LSS: variants seen among roughly 807,000 people sequenced by gnomAD.
LSS encodes the protein 2,3-epoxysqualene-lanosterol cyclase.
A neutral mutation model predicts 110.3 loss-of-function variants in LSS; 90 were observed. The ratio of observed to expected loss-of-function variants is 0.82; its 90% CI spans 0.69 to 0.97. The LOEUF (loss-of-function observed/expected upper bound fraction) is 0.97, where lower values mean the gene tolerates loss of function less well. Ranked by LOEUF, LSS falls within the 50% of genes least tolerant of loss-of-function variation. The pLI, the probability that LSS is intolerant of heterozygous loss-of-function variation, is 0.00. For synonymous variants in LSS, 433 were observed against 400.0 expected (o/e 1.08, Z -0.98); for missense variants, 927 against 990.0 (o/e 0.94, Z 0.85).
chr21:46,195,631 T>C (rs369926038), intron 19 of LSS, 45 bp downstream of exon 19: 131 of 1,488,918 alleles, frequency 8.8e-5, no homozygotes, highest in Non-Finnish European at 1.0e-4. Flanking sequence ...TGACAGAGCA[T>C]TGGGTTGAGA....
rs913274316 is a variant in LSS, at chr21:46,216,869, A to G, written c.648-345T>C. On this transcript the variant is annotated intron_variant, in intron 6 of 21. Transcript: ENST00000397728. This position sits in a 1 kb window ranked among gnomAD's most constrained non-coding sequence, Gnocchi z 4.2. ...AATGGGGATATGGTGTGAGGGCCCC[A>G]GGGAACACTCTTGGCTATCTTTGCA... Among the ~76,000 whole-genome samples, 1 of 152,194 alleles carries G rather than the reference A, an allele frequency of 6.6e-6. No individual in the cohort carries two copies. Among genetic ancestry groups the G allele is most frequent in the African/African-American group, 2.4e-5 (1 of 41,446 alleles).
At chr21:46,195,540 T>A in intron 19 of LSS, 136 bp downstream of exon 19, 1 of 833,064 alleles carries the variant, frequency 1.2e-6, no homozygotes, top group South Asian at 1.5e-5. Context: ...TCAGCCCGGT[T>A]GACAGAGCGA....
At chr21:46,226,208 C>T (rs1337282189) in intron 3 of LSS, among the ~76,000 whole-genome samples, 2 of 152,016 alleles carry the variant, frequency 1.3e-5, no homozygotes, top group Non-Finnish European at 2.9e-5. Context: ...CCAGCTAAGC[C>T]CAGAGCCAAA....
chr21:46,189,862 G>A lies in LSS; in HGVS notation c.*1242C>T, dbSNP rs955871387. ...GGGAGAGCAGTGACAGTCTCAGGTG[G>A]CCCTGAGCATGTGAGCTGCTCATCC... On this transcript the variant is annotated 3_prime_UTR_variant, in exon 22 of 22. Transcript: ENST00000397728. 7.7e-6 allele frequency: 3 copies of A among 388,726 alleles called. 1 individual carries two copies. The highest frequency in any genetic ancestry group is 6.4e-5 in the African/African-American group (3 of 46,674). The allele number at this position is 388,726 out of a possible 1,614,324, so 24.1% of individuals were successfully genotyped here. A position where few individuals can be genotyped will look rare whatever the true frequency, so the allele number is the denominator to read the frequency against.
chr21:46,197,160 A>T (rs1346224821), intron 17 of LSS, among the ~76,000 whole-genome samples: 1 of 152,270 alleles, frequency 6.6e-6, no homozygotes, highest in Non-Finnish European at 1.5e-5. Context: ...GGCAACAGGT[A>T]ACAAATACAA....
rs550113578 is a variant in LSS at position 46,204,971 on chromosome 21, G to A, written c.1670+865C>T. Among the ~76,000 whole-genome samples the A allele has an allele frequency of 1.7e-3, 262 of 152,056 alleles. 1 individual carries two copies. The highest frequency in any genetic ancestry group is 5.9e-3 in the African/African-American group (243 of 41,456). ...AAAAAGGACAGTGCATTGTGACCAA[G>A]GTGAGTCTACACCAGGTTGAACAAA... On this transcript the variant is annotated intron_variant, in intron 17 of 21. Coordinates refer to ENST00000397728, the MANE Select transcript of LSS (RefSeq NM_002340.6).
At position 46,190,692 on chromosome 21, in the gene LSS, C is replaced by T. The variant is rs932132336; in HGVS notation, c.*412G>A. The T allele has an allele frequency of 4.1e-5, 8 of 193,150 alleles. No individual in the cohort carries two copies. Among genetic ancestry groups the T allele is most frequent in the Non-Finnish European group, 6.4e-5 (6 of 94,316 alleles). The allele number at this position is 193,150 out of a possible 1,614,324, so 12.0% of individuals were successfully genotyped here. ...GGTGCAGGAGAAGCCTGCCCAGGGC[C>T]GACCCCAGCCCAGAGCCCACTCGAC... On this transcript the variant is annotated 3_prime_UTR_variant, in exon 22 of 22. Transcript: ENST00000397728. This position sits in a 1 kb window ranked among gnomAD's most constrained non-coding sequence, Gnocchi z 4.6.
chr21:46,206,874 T>C, intron 15 of LSS, 106 bp from the exon 16 acceptor site: 1 of 825,700 alleles, frequency 1.2e-6, no homozygotes, highest in South Asian at 1.4e-5. Flanking sequence ...TGACAACCGA[T>C]GGGGCAGGAA....
intron 20 of LSS, 187 bp from the exon 21 acceptor site, chr21:46,192,146 A>C: frequency 1.6e-6 from 1 of 623,982 alleles, no homozygotes; most frequent in Non-Finnish European, 2.9e-6. Context: ...CCTTCTTCCT[A>C]GGCTCCCTGA....
chr21:46,198,306 A>G (rs1380573795), intron 17 of LSS, among the ~76,000 whole-genome samples: 1 of 152,126 alleles, frequency 6.6e-6, no homozygotes, highest in Non-Finnish European at 1.5e-5. Flanking sequence ...TCCTACCAGC[A>G]ATGAACAATT....
chr21:46,228,313 C>T (rs578154773), intron 2 of LSS, 121 bp downstream of exon 2: 1 of 1,195,620 alleles, frequency 8.4e-7, no homozygotes, highest in Non-Finnish European at 1.1e-6. Context: ...CGTGGGCGCT[C>T]GCCTTGGGGA....
At position 46,209,417 on chromosome 21, in the gene LSS, G is replaced by A; in HGVS notation, c.1266+137C>T. ...ATGGAGCAGGGGCTAGGGAGGGGATGGGAGGGTGGGGGTGACCTGAAACAC... is the reference window on the plus strand; with the variant it reads ...ATGGAGCAGGGGCTAGGGAGGGGATAGGAGGGTGGGGGTGACCTGAAACAC... On this transcript the variant is annotated intron_variant, in intron 13 of 21. Coordinates refer to ENST00000397728, the MANE Select transcript of LSS (RefSeq NM_002340.6). This position sits in a 1 kb window ranked among gnomAD's most constrained non-coding sequence, Gnocchi z 4.4. 1 of 751,778 alleles carries A rather than the reference G, an allele frequency of 1.3e-6. No homozygotes were observed. Among genetic ancestry groups the A allele is most frequent in the South Asian group, 1.9e-5 (1 of 53,264 alleles). 46.6% of individuals were successfully genotyped at this position (751,778 alleles called of 1,614,324 possible). A position where few individuals can be genotyped will look rare whatever the true frequency, so the allele number is the denominator to read the frequency against.
chr21:46,220,971 G>A (rs1292130422), intron 5 of LSS, among the ~76,000 whole-genome samples: 1 of 150,012 alleles, frequency 6.7e-6, no homozygotes, highest in Admixed American at 6.6e-5. Context: ...GGCTTGGAGA[G>A]GTGGACAGCC....
At chr21:46,221,273 C>A (rs1413320286) in intron 5 of LSS, among the ~76,000 whole-genome samples, 1 of 152,106 alleles carries the variant, frequency 6.6e-6, no homozygotes, top group Non-Finnish European at 1.5e-5. Flanking sequence ...CAGGCTGCCC[C>A]CAGAAGGTGG....
rs1328538797 is a variant in LSS, at chr21:46,216,259, C to T, written c.783+130G>A. The T allele has an allele frequency of 2.6e-6, 3 of 1,147,998 alleles. No homozygotes were observed. The highest frequency in any genetic ancestry group is 1.9e-5 in the Admixed American group (1 of 52,216). The allele number at this position is 1,147,998 out of a possible 1,614,324, so 71.1% of individuals were successfully genotyped here. A position where few individuals can be genotyped will look rare whatever the true frequency, so the allele number is the denominator to read the frequency against. ...TATAGGATGGAGGAAGGTGGAGGCTCTGCTCCACAGGGCTCTCCGCTCCAC... is the reference window on the plus strand; with the variant it reads ...TATAGGATGGAGGAAGGTGGAGGCTTTGCTCCACAGGGCTCTCCGCTCCAC... On this transcript the variant is annotated intron_variant, in intron 7 of 21. Transcript: ENST00000397728. This position sits in a 1 kb window ranked among gnomAD's most constrained non-coding sequence, Gnocchi z 4.2.
rs1357346680 is a variant in LSS, at chr21:46,189,598, CA to C, written c.*1505del. 1 of 451,614 alleles carries C rather than the reference CA, an allele frequency of 2.2e-6. No homozygotes were observed. Among genetic ancestry groups the C allele is most frequent in the African/African-American group, 2.0e-5 (1 of 50,020 alleles). 28.0% of individuals were successfully genotyped at this position (451,614 alleles called of 1,614,324 possible). On this transcript the variant is annotated 3_prime_UTR_variant, in exon 22 of 22. Transcript: ENST00000397728. ...GCACCTGGGTGAGAGCCCTGGACTGCACACCAAGGCAGAGGGGTGCCCCTGA... is the reference window on the plus strand; with the variant it reads ...GCACCTGGGTGAGAGCCCTGGACTGCCACCAAGGCAGAGGGGTGCCCCTGA...
intron 3 of LSS, among the ~76,000 whole-genome samples, chr21:46,223,851 T>C (rs929281280): frequency 2.0e-5 from 3 of 152,186 alleles, no homozygotes; most frequent in Non-Finnish European, 4.4e-5. Context: ...AAGACGCCCG[T>C]TGCCGAGCGG....
intron 17 of LSS, among the ~76,000 whole-genome samples, chr21:46,199,701 C>T (rs888151958): frequency 6.6e-6 from 1 of 152,192 alleles, no homozygotes; most frequent in African/African-American, 2.4e-5. Context: ...TAGAAAGAGA[C>T]TCAGGAATCT....
intron 11 of LSS, among the ~76,000 whole-genome samples, chr21:46,211,186 G>A (rs1420029043): frequency 6.6e-6 from 1 of 152,186 alleles, no homozygotes; most frequent in Non-Finnish European, 1.5e-5. Flanking sequence ...GAGTGCAGTG[G>A]CGTGATCTCA....
Sources: gnomAD v4.1 joint callset for allele counts (sites outside exome capture counted in the v4.1 genomes callset) on GRCh38, gnomAD v4.1.1 for gene constraint, Gnocchi (gnomAD v3.1) non-coding constraint, MANE v1.5 for transcripts, NCBI Gene and HGNC (gene_info 2026-07-23, HGNC 2026-07-21) for gene names.